Variants in DMGDH observed in about 807,000 individuals in gnomAD.
DMGDH encodes the protein dimethylglycine dehydrogenase.
Under a neutral mutation model 95.2 loss-of-function variants are expected in DMGDH, and 76 were observed. The ratio of observed to expected loss-of-function variants is 0.80; its 90% confidence interval spans 0.66 to 0.97. The LOEUF is 0.97. DMGDH is among the 50% of genes least tolerant of loss of function. The pLI, the probability that DMGDH is intolerant of heterozygous loss-of-function variation, is 0.00. For synonymous variants in DMGDH, 345 were observed against 377.6 expected (o/e 0.91, Z 1.00); for missense variants, 987 against 1,055.0 (o/e 0.94, Z 0.89).
At chr5:79,005,931 AC>A (rs1753539386) in intron 14 of DMGDH, among the ~76,000 whole-genome samples, 1 of 152,206 alleles carries the variant, frequency 6.6e-6, no homozygotes, top group South Asian at 2.1e-4. Context: ...TCATTCTGAA[AC>A]CATTTATTGA....
At chr5:79,001,052 A>C in intron 15 of DMGDH, 1 of 676,522 alleles carries the variant, frequency 1.5e-6, no homozygotes, top group Non-Finnish European at 2.7e-6. Context: ...ATTCCTCGCC[A>C]TCAATGGCTA....
At chr5:79,027,931 C>G (rs931159419) in intron 12 of DMGDH, among the ~76,000 whole-genome samples, 1 of 151,618 alleles carries the variant, frequency 6.6e-6, no homozygotes, top group Non-Finnish European at 1.5e-5. Flanking sequence ...ACCTCCGCCT[C>G]CCGAGTTCAA....
At chr5:79,051,707 T>C (rs1316594977) in intron 4 of DMGDH, among the ~76,000 whole-genome samples, 1 of 152,210 alleles carries the variant, frequency 6.6e-6, no homozygotes, top group Admixed American at 6.5e-5. Context: ...TGTTTACACC[T>C]TCTTATTTTG....
intron 2 of DMGDH, among the ~76,000 whole-genome samples, chr5:79,058,703 C>T (rs1755104076): frequency 2.6e-5 from 4 of 152,086 alleles, no homozygotes; most frequent in Admixed American, 2.6e-4. Context: ...AGAATTACAA[C>T]CCTTCAAATA....
intron 14 of DMGDH, among the ~76,000 whole-genome samples, chr5:79,015,180 G>C (rs1561208934): frequency 2.0e-5 from 3 of 152,052 alleles, no homozygotes; most frequent in Non-Finnish European, 4.4e-5. Context: ...GTGTTTCCTA[G>C]TTAATCCACA....
At position 79,033,307 on chromosome 5, in the gene DMGDH, T is replaced by C. The variant is rs747562067; in HGVS notation, c.1295A>G (p.Tyr432Cys). Residue 432 changes from tyrosine to cysteine, a missense_variant, in exon 8 of 16, where the codon TAT becomes TGT. By Grantham distance (194) the Tyr-to-Cys change is radical. Transcript: ENST00000255189. ...FDLIELDPNRYGKWTTTQYTE... is the reference protein window; with the variant it reads ...FDLIELDPNRCGKWTTTQYTE... ...GTACTGGGTTGTTGTCCATTTGCCA[T>C]AGCGATTAGGATCCAATTCTATCAG... 3 of 1,614,192 alleles carry C rather than the reference T, an allele frequency of 1.9e-6. No homozygotes were observed. Among genetic ancestry groups the C allele is most frequent in the South Asian group, 2.2e-5 (2 of 91,082 alleles).
chr5:79,020,396 C>T (rs1753835122), intron 14 of DMGDH, among the ~76,000 whole-genome samples: 1 of 152,214 alleles, frequency 6.6e-6, no homozygotes, highest in Non-Finnish European at 1.5e-5. Context: ...GAATTGGATG[C>T]TTTGACCACT....
intron 4 of DMGDH, among the ~76,000 whole-genome samples, chr5:79,053,664 A>G (rs1754933847): frequency 1.3e-5 from 2 of 152,210 alleles, no homozygotes. Context: ...AGGAAAAAAC[A>G]CTAAATTTCA....
intron 14 of DMGDH, among the ~76,000 whole-genome samples, chr5:79,014,425 T>G (rs1362901180): frequency 6.6e-6 from 1 of 152,250 alleles, no homozygotes; most frequent in African/African-American, 2.4e-5. Context: ...AGAGTTTTCA[T>G]AATAGATTTC....
intron 4 of DMGDH, among the ~76,000 whole-genome samples, chr5:79,051,959 T>A (rs925165460): frequency 1.3e-5 from 2 of 152,186 alleles, no homozygotes; most frequent in Non-Finnish European, 2.9e-5. Flanking sequence ...GATAGAATGA[T>A]CAGTGAAATA....
At chr5:79,063,809 T>C in intron 1 of DMGDH, 22 bp from the exon 2 acceptor site, 2 of 1,613,618 alleles carry the variant, frequency 1.2e-6, no homozygotes, top group East Asian at 2.2e-5. Flanking sequence ...AAAGTTAAAA[T>C]GGGAACTTCA....
rs773452946 is a variant in DMGDH at position 78,998,316 on chromosome 5, C to G, written c.2386-19G>C. The stretch of plus-strand genomic sequence containing the variant: ...CAACCACCTGGAAAACAAGACCCAA[C>G]AGTCCTCAGCATCTTGGTCACAGCT... On this transcript the variant is annotated intron_variant, in intron 15 of 15. Transcript: ENST00000255189. 1 of 1,603,084 alleles carries G rather than the reference C, an allele frequency of 6.2e-7. No individual in the cohort carries two copies.
chr5:79,063,487 A>G lies in DMGDH; in HGVS notation c.276+126T>C, dbSNP rs1042955321. 1.4e-5 allele frequency: 15 copies of G among 1,062,300 alleles called. 1 individual carries two copies. In the African/African-American group the frequency reaches 1.6e-4, roughly 11 times the overall value. The allele number at this position is 1,062,300 out of a possible 1,614,324, so 65.8% of individuals were successfully genotyped here. On this transcript the variant is annotated intron_variant, in intron 2 of 15. Transcript: ENST00000255189. ...AGTACACCAGTTAAACTACAACTGC[A>G]CTTCCAACGCTATTGAAGGGGAACG... is the stretch of plus-strand genomic sequence containing the variant.
In DMGDH at chr5:79,026,466, A is replaced by G. The variant is rs540645511; in HGVS notation, c.2148T>C (p.Asn716=). The change falls in exon 13 of 16, where the codon AAT becomes AAC. Residue 716 remains asparagine, a synonymous_variant. Transcript: ENST00000255189. ...TGAAGGCTTTCTCCAGGCGTAAGGC[A>G]TTCATGGCATAGGTTCCAAAATTGT... ...GIDNFGTYAM[N]ALRLEKAFRA... is the part of the protein sequence containing the mutation. The G allele has an allele frequency of 6.8e-6, 11 of 1,614,184 alleles. No homozygotes were observed. Among genetic ancestry groups the G allele is most frequent in the Admixed American group, 5.0e-5 (3 of 60,024 alleles).
intron 2 of DMGDH, among the ~76,000 whole-genome samples, chr5:79,062,841 C>G (rs1255268853): frequency 6.6e-6 from 1 of 152,202 alleles, no homozygotes; most frequent in Non-Finnish European, 1.5e-5. Context: ...CTCCTGTAAT[C>G]TCAGCACTTT....
chr5:79,007,492 AT>A (rs56769699), intron 14 of DMGDH, among the ~76,000 whole-genome samples: 31,585 of 149,662 alleles, frequency 0.21, 6,230 homozygotes, highest in African/African-American at 0.52. Context: ...TAACAGCAAC[AT>A]TTTTTTTTTG....
At chr5:79,054,090 G>C in intron 4 of DMGDH, 94 bp downstream of exon 4, 1 of 1,407,382 alleles carries the variant, frequency 7.1e-7, no homozygotes, top group Non-Finnish European at 9.9e-7. Context: ...TAAAATGTGT[G>C]TACCAAGTTT....
intron 7 of DMGDH, among the ~76,000 whole-genome samples, chr5:79,035,582 T>C (rs182892226): frequency 1.0e-3 from 156 of 152,336 alleles, no homozygotes; most frequent in African/African-American, 3.6e-3. Flanking sequence ...ACATAGCAGA[T>C]ACAGCACTGT....
intron 14 of DMGDH, among the ~76,000 whole-genome samples, chr5:79,021,885 G>A (rs966233338): frequency 1.3e-5 from 2 of 152,144 alleles, no homozygotes; most frequent in Admixed American, 6.5e-5. Context: ...AGAGGGTGGC[G>A]TTCGACCTAA....
Sources: gnomAD v4.1 joint callset for allele counts (sites outside exome capture counted in the v4.1 genomes callset) on GRCh38, gnomAD v4.1.1 for gene constraint, MANE v1.5 for transcripts, NCBI Gene and HGNC (gene_info 2026-07-23, HGNC 2026-07-21) for gene names.